Variants in DGKA observed in about 807,000 individuals in gnomAD.
The protein encoded by DGKA is diacylglycerol kinase alpha.
In DGKA, 35 loss-of-function variants were observed where a neutral mutation model predicts 105.0. The ratio of observed to expected loss-of-function variants is 0.33; its 90% CI spans 0.25 to 0.44. DGKA has a LOEUF of 0.44. DGKA is among the 20% of genes least tolerant of loss of function. DGKA has a pLI of 1.00. For synonymous variants in DGKA, 296 were observed against 332.0 expected (o/e 0.89, Z 1.18); for missense variants, 665 against 915.0 (o/e 0.73, Z 3.53).
rs991376561 is a variant in DGKA at position 55,932,496 on chromosome 12, C to T, written c.-82+1152C>T. ...TCCCCAACTTCCCACCCCATCCTCTCCCCACCTGTCACTGGGAAGTTTCTG... is the reference window on the plus strand; with the variant it reads ...TCCCCAACTTCCCACCCCATCCTCTTCCCACCTGTCACTGGGAAGTTTCTG... On this transcript the variant is annotated intron_variant, in intron 1 of 23. Transcript: ENST00000331886. This position sits in a 1 kb window ranked among gnomAD's most constrained non-coding sequence, Gnocchi z 4.3. The T allele has an allele frequency of 9.3e-5, 65 of 701,622 alleles. No individual in the cohort carries two copies. The highest frequency in any genetic ancestry group is 1.6e-4 in the Non-Finnish European group (63 of 384,440). 43.5% of individuals were successfully genotyped at this position (701,622 alleles called of 1,614,324 possible).
At chr12:55,951,488 C>T (rs779015462) in intron 17 of DGKA, 135 bp from the exon 18 acceptor site, 18 of 860,172 alleles carry the variant, frequency 2.1e-5, no homozygotes, top group Non-Finnish European at 3.1e-5. Context: ...ATGCACCCTG[C>T]CCTGTCACTG....
intron 14 of DGKA, 77 bp from the exon 15 acceptor site, chr12:55,941,433 A>C: frequency 6.3e-7 from 1 of 1,589,078 alleles, no homozygotes; most frequent in South Asian, 1.1e-5. Flanking sequence ...CTTGAGGAAC[A>C]CACAAAGAGG....
chr12:55,939,559 A>G, intron 9 of DGKA, 30 bp downstream of exon 9: 1 of 1,606,518 alleles, frequency 6.2e-7, no homozygotes, highest in Non-Finnish European at 8.5e-7. Context: ...AGGTAGGGGA[A>G]GAGGGTCAGC....
rs1592751374 is a variant in DGKA, at chr12:55,952,276, A to G, written c.1653-65A>G. ...AGGTTGATGCCCTTCCCTGTCACGT[A>G]CCACCCCTGCCAGCACTGTGTAACC... On this transcript the variant is annotated intron_variant, in intron 19 of 23. Coordinates refer to ENST00000331886, the MANE Select transcript of DGKA (RefSeq NM_001345.5). This position sits in a 1 kb window ranked among gnomAD's most constrained non-coding sequence, Gnocchi z 5.1. The G allele has an allele frequency of 1.9e-6, 3 of 1,558,828 alleles. No individual in the cohort carries two copies. The highest frequency in any genetic ancestry group is 4.5e-5 in the East Asian group (2 of 44,602).
At chr12:55,946,344 TTTGTTGTTG>T (rs547976590) in intron 17 of DGKA, among the ~76,000 whole-genome samples, 1 of 151,198 alleles carries the variant, frequency 6.6e-6, no homozygotes. Context: ...CTAATTTTGT[TTTGTTGTTG>T]TTGTTGTTGT....
chr12:55,952,652 G>A lies in DGKA; in HGVS notation c.1744-82G>A. The A allele has an allele frequency of 6.7e-7, 1 of 1,501,778 alleles. No homozygotes were observed. The highest frequency in any genetic ancestry group is 9.2e-7 in the Non-Finnish European group (1 of 1,084,932). The allele number at this position is 1,501,778 out of a possible 1,614,324, so 93.0% of individuals were successfully genotyped here. A position where few individuals can be genotyped will look rare whatever the true frequency, so the allele number is the denominator to read the frequency against. ...GCCTTCTCCAGTTTGTCATCTGGTGGAGGGAGCGATCACATCTATGATCAT... is the reference window on the plus strand; with the variant it reads ...GCCTTCTCCAGTTTGTCATCTGGTGAAGGGAGCGATCACATCTATGATCAT... On this transcript the variant is annotated intron_variant, in intron 20 of 23. Transcript: ENST00000331886. This position sits in a 1 kb window ranked among gnomAD's most constrained non-coding sequence, Gnocchi z 5.1.
intron 17 of DGKA, among the ~76,000 whole-genome samples, chr12:55,945,844 C>T (rs1225317268): frequency 6.6e-6 from 1 of 151,784 alleles, no homozygotes; most frequent in Non-Finnish European, 1.5e-5. Context: ...GGCTGGAGTG[C>T]AGTGGCACAA....
In DGKA at chr12:55,940,210, T is replaced by TCCTGGC. The variant is rs779390213; in HGVS notation, c.798+56_798+61dup. Reference sequence around the variant, plus strand: ...GCCTCCACCCCCAACATCACCTACATCCTGGCCCTGGCCCTGGCCCTTGGC... The same window carrying TCCTGGC: ...GCCTCCACCCCCAACATCACCTACATCCTGGCCCTGGCCCTGGCCCTGGCCCTTGGC... On this transcript the variant is annotated intron_variant, in intron 10 of 23. Transcript: ENST00000331886. The surrounding 1 kb of genome is among the most constrained non-coding windows in gnomAD (Gnocchi z 4.3). 4.3e-5 allele frequency: 69 copies of TCCTGGC among 1,613,644 alleles called. No individual in the cohort carries two copies. Among genetic ancestry groups the TCCTGGC allele is most frequent in the African/African-American group, 8.0e-5 (6 of 74,898 alleles).
rs1408318172 is a variant in DGKA at position 55,937,828 on chromosome 12, C to T, written c.275-150C>T. 2.5e-5 allele frequency: 19 copies of T among 761,824 alleles called. No homozygotes were observed. The Admixed American group carries it at 3.2e-4, about 13-fold the overall frequency. The allele number at this position is 761,824 out of a possible 1,614,324, so 47.2% of individuals were successfully genotyped here. ...AGTGAGCAGTAATCATGCCACTGCA[C>T]TCCAGCCTCAGTGACAGAGCAAGAC... is the stretch of plus-strand genomic sequence containing the variant. On this transcript the variant is annotated intron_variant, in intron 4 of 23. Transcript: ENST00000331886.
chr12:55,934,209 T>C (rs553740621), intron 1 of DGKA, among the ~76,000 whole-genome samples: 1 of 152,342 alleles, frequency 6.6e-6, no homozygotes, highest in Admixed American at 6.5e-5. Context: ...CTTTGCATTG[T>C]AACTTGTTTG....
chr12:55,928,693 A>C (rs897274671), upstream of DGKA, among the ~76,000 whole-genome samples: 1 of 150,350 alleles, frequency 6.7e-6, no homozygotes, highest in Non-Finnish European at 1.5e-5. Flanking sequence ...AAAAAAAAAA[A>C]AAAAAAAAAA....
chr12:55,951,886 C>A, intron 18 of DGKA, 103 bp downstream of exon 18: 1 of 1,528,532 alleles, frequency 6.5e-7, no homozygotes, highest in Non-Finnish European at 9.0e-7. Flanking sequence ...ACCTGTGACA[C>A]AGGGAAATTG....
chr12:55,941,621 G>T (rs2291616), intron 15 of DGKA, 37 bp downstream of exon 15: 1 of 1,596,976 alleles, frequency 6.3e-7, no homozygotes, highest in Non-Finnish European at 8.6e-7. Flanking sequence ...CAGTGTTTTC[G>T]TGGGTCTGTG....
intron 17 of DGKA, chr12:55,942,609 G>A (rs891707909): frequency 1.0e-5 from 3 of 297,556 alleles, no homozygotes; most frequent in South Asian, 3.7e-5. Context: ...GCTGAATGAT[G>A]GAGCTAGCAG....
chr12:55,927,590 CG>C (rs1490624470), upstream of DGKA: 3 of 1,150,792 alleles, frequency 2.6e-6, no homozygotes, highest in African/African-American at 1.5e-5. Flanking sequence ...TTTCTAGGGA[CG>C]GTTGGAGACC....
chr12:55,933,199 G>C (rs1311124737), intron 1 of DGKA, among the ~76,000 whole-genome samples: 1 of 152,194 alleles, frequency 6.6e-6, no homozygotes, highest in Non-Finnish European at 1.5e-5. Context: ...GTCTGACTGT[G>C]CCCTTAAGAG....
Position 55,952,981 on chromosome 12 carries a change from G to T in DGKA, c.1942+49G>T, listed in dbSNP as rs748778398. The T allele has an allele frequency of 3.7e-6, 6 of 1,614,066 alleles. No homozygotes were observed. Among genetic ancestry groups the T allele is most frequent in the Middle Eastern group, 3.3e-4 (2 of 6,062 alleles). On this transcript the variant is annotated intron_variant, in intron 21 of 23. Transcript: ENST00000331886. This position sits in a 1 kb window ranked among gnomAD's most constrained non-coding sequence, Gnocchi z 5.1. The stretch of plus-strand genomic sequence containing the variant: ...TGAGTGGGCAGGACGAAGGGAAAGT[G>T]TGACTCCCTATGGGGATACCCTGTT...
chr12:55,932,473 C>A lies in DGKA; in HGVS notation c.-82+1129C>A. The A allele has an allele frequency of 1.4e-6, 1 of 698,206 alleles. No homozygotes were observed. Among genetic ancestry groups the A allele is most frequent in the East Asian group, 2.7e-5 (1 of 37,210 alleles). 43.3% of individuals were successfully genotyped at this position (698,206 alleles called of 1,614,324 possible). A position where few individuals can be genotyped will look rare whatever the true frequency, so the allele number is the denominator to read the frequency against. ...AGGGTTCTTGTTTGGCCTCCAGGTC[C>A]CCAACTTCCCACCCCATCCTCTCCC... On this transcript the variant is annotated intron_variant, in intron 1 of 23. Coordinates refer to ENST00000331886, the MANE Select transcript of DGKA (RefSeq NM_001345.5). The surrounding 1 kb of genome is among the most constrained non-coding windows in gnomAD (Gnocchi z 4.3).
Position 55,940,651 on chromosome 12 carries a change from G to A in DGKA, c.946G>A (p.Gly316Ser), listed in dbSNP as rs776782356. The change falls in exon 12 of 24, where the codon GGC becomes AGC. Residue 316 changes from glycine to serine, a missense_variant. Gly to Ser is a moderately conservative substitution (Grantham distance 56, BLOSUM62 0). This residue lies in a region of DGKA where 504 missense variants were observed against 681.2 expected (regional missense o/e 0.74). Transcript: ENST00000331886. The surrounding 1 kb of genome is among the most constrained non-coding windows in gnomAD (Gnocchi z 4.3). The stretch of plus-strand genomic sequence containing the variant: ...CCACGATGACTGCCTGCAAGCGGTG[G>A]GCCATGAGTGTGACTGTGGGCTGCT... The part of the protein sequence containing the change: ...EIHDDCLQAV[G>S]HECDCGLLRD... 60 of 1,593,426 alleles carry A rather than the reference G, an allele frequency of 3.8e-5. No homozygotes were observed. The highest frequency in any genetic ancestry group is 1.3e-4 in the Admixed American group (7 of 53,804).
Sources: allele counts gnomAD v4.1 joint callset (sites outside exome capture counted in the v4.1 genomes callset), GRCh38; gene constraint gnomAD v4.1.1; regional missense constraint gnomAD v4.1.1; non-coding constraint Gnocchi (gnomAD v3.1); transcripts MANE v1.5; gene names NCBI Gene and HGNC (gene_info 2026-07-23, HGNC 2026-07-21).